Variants in RAB10 observed in about 807,000 individuals in gnomAD.
RAB10 encodes ras-related protein Rab-10.
Under a neutral mutation model 25.7 loss-of-function variants are expected in RAB10, and 5 were observed. That is an observed-to-expected ratio of 0.19 (90% CI 0.10 to 0.41). The LOEUF (loss-of-function observed/expected upper bound fraction) is 0.41. Among genes scored for constraint, RAB10 ranks in the 10% least tolerant of loss-of-function variants. The pLI is 1.00. For synonymous variants in RAB10, 89 were observed against 86.4 expected, an observed-to-expected ratio of 1.03 and a Z score of -0.16; for missense variants, 103 against 245.8, an observed-to-expected ratio of 0.42 and a Z score of 3.89.
chr2:26,051,486 G>A (rs1229668243), intron 1 of RAB10, among the ~76,000 whole-genome samples: 11 of 150,562 alleles, frequency 7.3e-5, no homozygotes, highest in Admixed American at 5.3e-4. Flanking sequence ...AGTGGCTCAC[G>A]CCTGTAATCC....
chr2:26,037,471 T>A (rs1665787190), intron 1 of RAB10, among the ~76,000 whole-genome samples: 1 of 152,018 alleles, frequency 6.6e-6, no homozygotes, highest in South Asian at 2.1e-4. Context: ...AAACCCTGTC[T>A]CTACTAAAAA....
At chr2:26,125,643 T>G (rs1328782909) in intron 3 of RAB10, among the ~76,000 whole-genome samples, 1 of 151,866 alleles carries the variant, frequency 6.6e-6, no homozygotes, top group African/African-American at 2.4e-5. Context: ...AGAGATGAGG[T>G]CTCACAGTGT....
chr2:26,057,284 C>T (rs1666288863), intron 1 of RAB10, among the ~76,000 whole-genome samples: 2 of 152,040 alleles, frequency 1.3e-5, no homozygotes, highest in South Asian at 4.2e-4. Flanking sequence ...GCTAAGGAAG[C>T]TGGGCATGGT....
intron 2 of RAB10, among the ~76,000 whole-genome samples, chr2:26,108,625 A>C (rs79645243): frequency 1.5e-4 from 23 of 150,966 alleles, no homozygotes; most frequent in Non-Finnish European, 2.5e-4. Flanking sequence ...TAAAAAAAAA[A>C]AACCCTGAAA....
Position 26,094,955 on chromosome 2 carries a change from T to C in RAB10, c.128-3707T>C, listed in dbSNP as rs1015188176. Among the ~76,000 whole-genome samples the C allele has an allele frequency of 1.1e-4, 16 of 152,232 alleles. 1 individual carries two copies. The highest frequency in any genetic ancestry group is 2.9e-5 in the Non-Finnish European group (2 of 68,038). The stretch of plus-strand genomic sequence containing the variant: ...ACTTACTCAAAATGGGTAAGTTTTA[T>C]GTGGCGTTTAATGTTTCTTAATTTA... On this transcript the variant is annotated intron_variant, in intron 1 of 5. Coordinates refer to ENST00000264710, the MANE Select transcript of RAB10 (RefSeq NM_016131.5).
intron 2 of RAB10, among the ~76,000 whole-genome samples, chr2:26,107,025 C>T (rs1039441901): frequency 6.6e-6 from 1 of 152,032 alleles, no homozygotes; most frequent in Non-Finnish European, 1.5e-5. Context: ...GCGGGCAGAT[C>T]ATCTGAGGCC....
At chr2:26,035,560 A>T (rs1318166889) in intron 1 of RAB10, among the ~76,000 whole-genome samples, 1 of 152,184 alleles carries the variant, frequency 6.6e-6, no homozygotes, top group Non-Finnish European at 1.5e-5. Flanking sequence ...CCGTTTAGGA[A>T]AGGAAAAGGG....
chr2:26,096,911 G>A (rs1667230417), intron 1 of RAB10, among the ~76,000 whole-genome samples: 1 of 152,132 alleles, frequency 6.6e-6, no homozygotes. Context: ...TTCCAGTTCA[G>A]TTTTGTTGCA....
intron 1 of RAB10, among the ~76,000 whole-genome samples, chr2:26,096,004 G>A (rs1434908356): frequency 6.6e-6 from 1 of 152,128 alleles, no homozygotes; most frequent in Admixed American, 6.5e-5. Context: ...TATCTGCTCT[G>A]GTTTTCAGTT....
chr2:26,107,123 G>A (rs1396114516), intron 2 of RAB10, among the ~76,000 whole-genome samples: 1 of 151,354 alleles, frequency 6.6e-6, no homozygotes, highest in Non-Finnish European at 1.5e-5. Flanking sequence ...GCACGTGCCT[G>A]TAATCTCAGC....
chr2:26,116,462 T>C (rs1330326693), intron 3 of RAB10, among the ~76,000 whole-genome samples: 1 of 151,806 alleles, frequency 6.6e-6, no homozygotes. Context: ...TGAGTATGCA[T>C]GGATTTTGAT....
chr2:26,112,238 A>C (rs772166029), intron 3 of RAB10, among the ~76,000 whole-genome samples: 1 of 152,154 alleles, frequency 6.6e-6, no homozygotes, highest in Non-Finnish European at 1.5e-5. Flanking sequence ...TGATTAAATC[A>C]TTGACTTCTG....
intron 1 of RAB10, among the ~76,000 whole-genome samples, chr2:26,092,696 T>G (rs922726459): frequency 1.3e-5 from 2 of 152,184 alleles, no homozygotes; most frequent in African/African-American, 4.8e-5. Context: ...TGTATCCTTA[T>G]TTCATCTTTC....
chr2:26,131,030 CTTTT>C (rs36069349), intron 5 of RAB10, among the ~76,000 whole-genome samples: 1 of 110,300 alleles, frequency 9.1e-6, no homozygotes, highest in Non-Finnish European at 1.9e-5. Context: ...TCAGTCTTGG[CTTTT>C]TTTTTTTTTT....
chr2:26,077,810 T>C (rs1213164818), intron 1 of RAB10, among the ~76,000 whole-genome samples: 1 of 151,994 alleles, frequency 6.6e-6, no homozygotes, highest in Non-Finnish European at 1.5e-5. Context: ...AAACTCCGTC[T>C]CTGTTAAAAA....
intron 1 of RAB10, among the ~76,000 whole-genome samples, chr2:26,075,320 C>A (rs1666709595): frequency 6.6e-6 from 1 of 151,966 alleles, no homozygotes; most frequent in South Asian, 2.1e-4. Context: ...TTTCTTTCTC[C>A]AACAGGGAGA....
chr2:26,054,646 T>C (rs1475565133), intron 1 of RAB10, among the ~76,000 whole-genome samples: 1 of 152,234 alleles, frequency 6.6e-6, no homozygotes, highest in Non-Finnish European at 1.5e-5. Context: ...AGATTAAGCA[T>C]TTTTAAAACT....
chr2:26,040,651 G>A (rs1665864333), intron 1 of RAB10, among the ~76,000 whole-genome samples: 1 of 151,966 alleles, frequency 6.6e-6, no homozygotes, highest in South Asian at 2.1e-4. Context: ...GAGCGAGACC[G>A]TGTATGATAA....
At chr2:26,051,832 C>A (rs1379906787) in intron 1 of RAB10, among the ~76,000 whole-genome samples, 1 of 149,638 alleles carries the variant, frequency 6.7e-6, no homozygotes, top group Non-Finnish European at 1.5e-5. Flanking sequence ...CTGAGGCAGG[C>A]GGATCAGGAG....
Sources: allele counts gnomAD v4.1 joint callset (sites outside exome capture counted in the v4.1 genomes callset), GRCh38; gene constraint gnomAD v4.1.1; transcripts MANE v1.5; gene names NCBI Gene and HGNC (gene_info 2026-07-23, HGNC 2026-07-21).